Variants in GOLPH3 observed in about 807,000 individuals in gnomAD.
The protein encoded by GOLPH3 is coat protein GPP34.
In GOLPH3, 14 loss-of-function variants were observed where a neutral mutation model predicts 28.5. That is an observed-to-expected ratio of 0.49 (90% confidence interval 0.32 to 0.77). GOLPH3 has a LOEUF of 0.77. GOLPH3 is among the 30% of genes least tolerant of loss of function. The probability of loss-of-function intolerance (pLI) is 0.03; values close to 1 mark genes in which losing one functional copy is unlikely to be tolerated. For missense variants in GOLPH3, 350 were observed against 393.7 expected, an observed-to-expected ratio of 0.89 and a Z score of 0.94; for synonymous variants, 158 against 159.2, an observed-to-expected ratio of 0.99 and a Z score of 0.06.
At chr5:32,151,019 T>G (rs1225181643) in intron 1 of GOLPH3, among the ~76,000 whole-genome samples, 1 of 152,174 alleles carries the variant, frequency 6.6e-6, no homozygotes, top group African/African-American at 2.4e-5. Flanking sequence ...ATAACGTAAG[T>G]ACTAGAAGAC....
intron 1 of GOLPH3, among the ~76,000 whole-genome samples, chr5:32,150,267 A>G (rs968368590): frequency 6.6e-6 from 1 of 152,076 alleles, no homozygotes; most frequent in African/African-American, 2.4e-5. Flanking sequence ...GAAAGACTTA[A>G]AAATAGACTT....
At chr5:32,137,319 C>T (rs1162790722) in intron 2 of GOLPH3, among the ~76,000 whole-genome samples, 2 of 151,750 alleles carry the variant, frequency 1.3e-5, no homozygotes, top group African/African-American at 2.4e-5. Flanking sequence ...TTATCAATAG[C>T]GTTGATTACA....
At chr5:32,172,108 T>G (rs1746849342) in intron 1 of GOLPH3, among the ~76,000 whole-genome samples, 1 of 152,162 alleles carries the variant, frequency 6.6e-6, no homozygotes, top group Non-Finnish European at 1.5e-5. Flanking sequence ...TGCTTTATCA[T>G]CACAACTCAA....
rs922933921 is a variant in GOLPH3, at chr5:32,126,008, A to G, written c.*204T>C. On this transcript the variant is annotated 3_prime_UTR_variant, in exon 4 of 4. Transcript: ENST00000265070. ...AATGGAATGCCAATATGGCAGTAAA[A>G]CTTTTTTTAAAAACAGAAAGAGGAA... The G allele has an allele frequency of 1.9e-6, 1 of 517,088 alleles. No individual in the cohort carries two copies. The highest frequency in any genetic ancestry group is 2.0e-5 in the African/African-American group (1 of 51,106). 32.0% of individuals were successfully genotyped at this position (517,088 alleles called of 1,614,324 possible). A position where few individuals can be genotyped will look rare whatever the true frequency, so the allele number is the denominator to read the frequency against.
At chr5:32,152,799 A>G (rs923291368) in intron 1 of GOLPH3, among the ~76,000 whole-genome samples, 3 of 151,586 alleles carry the variant, frequency 2.0e-5, no homozygotes, top group African/African-American at 7.3e-5. Flanking sequence ...AAACAAAAAC[A>G]AAAACAAAAA....
intron 3 of GOLPH3, among the ~76,000 whole-genome samples, chr5:32,127,170 C>T (rs1372911272): frequency 1.3e-5 from 2 of 152,166 alleles, no homozygotes; most frequent in Admixed American, 6.5e-5. Context: ...TTAACCTTGC[C>T]ATCCATACAT....
At chr5:32,173,700 G>A (rs1476078019) in intron 1 of GOLPH3, 110 bp downstream of exon 1, 1 of 719,540 alleles carries the variant, frequency 1.4e-6, no homozygotes, top group Non-Finnish European at 1.9e-6. Flanking sequence ...TCGGAGCGAG[G>A]GCAGGTGCGC....
intron 1 of GOLPH3, among the ~76,000 whole-genome samples, chr5:32,160,793 C>T (rs1973195): frequency 1.1e-4 from 16 of 151,924 alleles, no homozygotes; most frequent in African/African-American, 3.9e-4. Context: ...ATGGGCCAGG[C>T]GCGGTGGCTC....
intron 1 of GOLPH3, among the ~76,000 whole-genome samples, chr5:32,156,882 G>A (rs558321829): frequency 6.6e-6 from 1 of 152,290 alleles, no homozygotes; most frequent in African/African-American, 2.4e-5. Context: ...CCATAGCCCG[G>A]AGATTAGAGA....
At chr5:32,140,867 C>T (rs1189114378) in intron 2 of GOLPH3, among the ~76,000 whole-genome samples, 4 of 150,754 alleles carry the variant, frequency 2.7e-5, no homozygotes, top group African/African-American at 9.7e-5. Context: ...ACTCTGTATA[C>T]TAGAAAACAG....
At chr5:32,141,192 GGT>G (rs1305477431) in intron 2 of GOLPH3, among the ~76,000 whole-genome samples, 4 of 151,550 alleles carry the variant, frequency 2.6e-5, no homozygotes, top group African/African-American at 9.7e-5. Flanking sequence ...ATACATGAAT[GGT>G]GTTCTTTCCT....
At chr5:32,166,059 C>T (rs1475182488) in intron 1 of GOLPH3, among the ~76,000 whole-genome samples, 1 of 152,166 alleles carries the variant, frequency 6.6e-6, no homozygotes, top group African/African-American at 2.4e-5. Context: ...AATGAAAGTT[C>T]TGTCCTCTTT....
At chr5:32,170,125 A>G (rs569329459) in intron 1 of GOLPH3, among the ~76,000 whole-genome samples, 1 of 152,352 alleles carries the variant, frequency 6.6e-6, no homozygotes, top group Admixed American at 6.5e-5. Flanking sequence ...TAGATTATAA[A>G]CATGTTAAAA....
In GOLPH3 at chr5:32,126,063, C is replaced by T. The variant is rs372592129; in HGVS notation, c.*149G>A. On this transcript the variant is annotated 3_prime_UTR_variant, in exon 4 of 4. Coordinates refer to ENST00000265070, the MANE Select transcript of GOLPH3 (RefSeq NM_022130.4). ...TCTCGTACCAGCAGAATCCTGTACA[C>T]GTACAAAAAAGAAAAAGCCACCCAC... 14 of 775,920 alleles carry T rather than the reference C, an allele frequency of 1.8e-5. No individual in the cohort carries two copies. The highest frequency in any genetic ancestry group is 3.3e-4 in the Middle Eastern group (1 of 2,996). 48.1% of individuals were successfully genotyped at this position (775,920 alleles called of 1,614,324 possible).
intron 1 of GOLPH3, among the ~76,000 whole-genome samples, chr5:32,146,541 G>C (rs1167367014): frequency 1.3e-5 from 2 of 152,154 alleles, no homozygotes; most frequent in Middle Eastern, 3.2e-3. Flanking sequence ...TGCCAACACT[G>C]AGAAGAGTTC....
At chr5:32,140,188 A>G (rs915333796) in intron 2 of GOLPH3, among the ~76,000 whole-genome samples, 2 of 146,314 alleles carry the variant, frequency 1.4e-5, no homozygotes, top group Admixed American at 6.9e-5. Flanking sequence ...CTTCTAGAGG[A>G]AAAAAAAAAA....
At chr5:32,142,912 G>C (rs1335817241) in intron 2 of GOLPH3, among the ~76,000 whole-genome samples, 1 of 151,548 alleles carries the variant, frequency 6.6e-6, no homozygotes, top group Non-Finnish European at 1.5e-5. Context: ...GGGAAGTGAG[G>C]AGCCCCTCTG....
intron 1 of GOLPH3, among the ~76,000 whole-genome samples, chr5:32,161,540 G>A (rs896769963): frequency 1.3e-5 from 2 of 151,258 alleles, no homozygotes; most frequent in Admixed American, 6.6e-5. Flanking sequence ...GCATCAAGGC[G>A]TAATGAAACT....
chr5:32,162,990 A>AT (rs1324616645), intron 1 of GOLPH3, among the ~76,000 whole-genome samples: 13 of 152,192 alleles, frequency 8.5e-5, no homozygotes, highest in African/African-American at 2.7e-4. Context: ...AGGCAGGAGA[A>AT]TGGCGTGAAC....
Sources: allele counts gnomAD v4.1 joint callset (sites outside exome capture counted in the v4.1 genomes callset), GRCh38; gene constraint gnomAD v4.1.1; transcripts MANE v1.5; gene names NCBI Gene and HGNC (gene_info 2026-07-23, HGNC 2026-07-21).